Variants in IQSEC3 observed in about 807,000 individuals in gnomAD.
The protein encoded by IQSEC3 is IQ motif and Sec7 domain ArfGEF 3.
In IQSEC3, 50 loss-of-function variants were observed where a neutral mutation model predicts 105.4. That is an observed-to-expected ratio of 0.47 (90% CI 0.38 to 0.60). The LOEUF (loss-of-function observed/expected upper bound fraction) is 0.60. Among genes scored for constraint, IQSEC3 ranks in the 20% least tolerant of loss-of-function variants. IQSEC3 has a pLI of 0.00. For synonymous variants in IQSEC3, 708 were observed against 746.0 expected (o/e 0.95, Z 0.83); for missense variants, 1,415 against 1,630.0 (o/e 0.87, Z 2.27).
chr12:167,273 C>G (rs1938707200), intron 11 of IQSEC3: 1 of 152,192 alleles, frequency 6.6e-6, no homozygotes, highest in African/African-American at 2.4e-5. Context: ...CTAACTGTCC[C>G]AGATGGCTCC....
intron 2 of IQSEC3, 60 bp downstream of exon 2, chr12:99,274 G>C: frequency 6.7e-7 from 1 of 1,489,630 alleles, no homozygotes; most frequent in Non-Finnish European, 9.1e-7. Context: ...TTACAACAAA[G>C]CACGTACCAC....
At chr12:104,548 C>T (rs1409278566) in intron 2 of IQSEC3, among the ~76,000 whole-genome samples, 1 of 145,682 alleles carries the variant, frequency 6.9e-6, no homozygotes, top group East Asian at 2.4e-4. Flanking sequence ...ACGTCCTTCC[C>T]ACGCCCATTT....
At chr12:157,177 AC>A (rs1565442274) in intron 6 of IQSEC3, 30 bp downstream of exon 6, 1 of 1,513,830 alleles carries the variant, frequency 6.6e-7, no homozygotes, top group Admixed American at 2.2e-5. Context: ...CCACTCCCCA[AC>A]AGACCCCAGC....
intron 5 of IQSEC3, among the ~76,000 whole-genome samples, chr12:142,959 T>C (rs1555089750): frequency 6.6e-6 from 1 of 152,240 alleles, no homozygotes; most frequent in Non-Finnish European, 1.5e-5. Context: ...GTGACTCTGC[T>C]TCACCCACAG....
chr12:146,673 GAGAA>G (rs1194794115), intron 5 of IQSEC3, among the ~76,000 whole-genome samples: 5 of 142,350 alleles, frequency 3.5e-5, no homozygotes, highest in Non-Finnish European at 7.7e-5. Context: ...GAAAGAAAGA[GAGAA>G]AGAGAGAGAG....
intron 8 of IQSEC3, among the ~76,000 whole-genome samples, chr12:162,436 A>G (rs974894038): frequency 2.6e-4 from 39 of 152,082 alleles, no homozygotes; most frequent in Admixed American, 9.8e-4. Flanking sequence ...TGGGCTCAAT[A>G]GGCTCCAGGC....
intron 8 of IQSEC3, among the ~76,000 whole-genome samples, 165 bp downstream of exon 8, chr12:162,230 T>C (rs188144716): frequency 1.2e-4 from 18 of 152,198 alleles, no homozygotes; most frequent in Admixed American, 1.2e-3. Context: ...CTTTTTTTTT[T>C]TCTTGCCTGA....
intron 5 of IQSEC3, chr12:141,735 G>T (rs141576405): frequency 6.0e-6 from 1 of 166,892 alleles, no homozygotes; most frequent in Admixed American, 6.4e-5. Flanking sequence ...GAAAAAAGAA[G>T]GGGTTAAACT....
At position 157,522 on chromosome 12, in the gene IQSEC3, C is replaced by T. The variant is rs782680883; in HGVS notation, c.2277-6C>T. 1 of 1,608,612 alleles carries T rather than the reference C, an allele frequency of 6.2e-7. No individual in the cohort carries two copies. Among genetic ancestry groups the T allele is most frequent in the African/African-American group, 1.3e-5 (1 of 75,036 alleles). On this transcript the variant is annotated splice_polypyrimidine_tract_variant and splice_region_variant and intron_variant, in intron 6 of 13. Coordinates refer to ENST00000538872, the MANE Select transcript of IQSEC3 (RefSeq NM_001170738.2). ...AGCGTCCGCTCTGCATCTGACCCCC[C>T]CACAGCCAGCGCTACTGCATGTGCA...
At chr12:131,899 T>C (rs1865613890) in intron 3 of IQSEC3, among the ~76,000 whole-genome samples, 1 of 152,174 alleles carries the variant, frequency 6.6e-6, no homozygotes, top group South Asian at 2.1e-4. Flanking sequence ...TCCAGTGTTA[T>C]TCAGGGAGCA....
chr12:169,062 C>A lies in IQSEC3; in HGVS notation c.3021C>A (p.Cys1007Ter). The change falls in exon 12 of 14, where the codon TGC (cysteine) becomes TGA (stop). Residue 1007 changes from cysteine to a stop codon, truncating the protein, a stop_gained. Transcript: ENST00000538872. LOFTEE classifies it high-confidence loss of function. ...CAAAGACACTCTCCTTCAAGCCCTG[C>A]GGAGCCCAGGGGGACCCACAGTCAA... ...QGTKTLSFKP[C>*]GAQGDPQSKQ... 1 of 1,614,016 alleles carries A rather than the reference C, an allele frequency of 6.2e-7. No individual in the cohort carries two copies.
chr12:163,427 T>C (rs1417657258), intron 8 of IQSEC3, 67 bp from the exon 9 acceptor site: 5 of 1,395,048 alleles, frequency 3.6e-6, no homozygotes, highest in Admixed American at 4.5e-5. Flanking sequence ...TTCTGGAAAA[T>C]GGGCGCGTGG....
chr12:130,169 G>T (rs1555084558), intron 3 of IQSEC3, among the ~76,000 whole-genome samples: 1 of 152,202 alleles, frequency 6.6e-6, no homozygotes, highest in African/African-American at 2.4e-5. Context: ...ATGCTATGAT[G>T]CAAAAGATAC....
At chr12:154,353 C>A (rs897280671) in intron 5 of IQSEC3, among the ~76,000 whole-genome samples, 6 of 152,206 alleles carry the variant, frequency 3.9e-5, no homozygotes, top group Non-Finnish European at 8.8e-5. Flanking sequence ...GTGCCCTGGG[C>A]CTCCCAGCAC....
intron 13 of IQSEC3, chr12:171,596 G>A (rs978964298): frequency 1.3e-5 from 7 of 552,968 alleles, no homozygotes; most frequent in East Asian, 3.0e-5. Flanking sequence ...GGGCTCCCTC[G>A]GAGAATTACC....
At chr12:116,791 G>A (rs566726662) in intron 2 of IQSEC3, among the ~76,000 whole-genome samples, 1 of 152,316 alleles carries the variant, frequency 6.6e-6, no homozygotes, top group African/African-American at 2.4e-5. Flanking sequence ...TGCAATTCTG[G>A]CACTCATGTG....
At chr12:107,889 T>C in intron 2 of IQSEC3, among the ~76,000 whole-genome samples, 1 of 152,258 alleles carries the variant, frequency 6.6e-6, no homozygotes, top group African/African-American at 2.4e-5. Flanking sequence ...TCTCTCCTTG[T>C]GAGTTTGCTT....
At chr12:97,896 G>A (rs1047247801) in intron 1 of IQSEC3, among the ~76,000 whole-genome samples, 2 of 152,218 alleles carry the variant, frequency 1.3e-5, no homozygotes, top group African/African-American at 2.4e-5. Context: ...GACCCTGTGG[G>A]CCCCCAACAC....
chr12:159,016 G>A (rs1866795406), intron 7 of IQSEC3, among the ~76,000 whole-genome samples: 1 of 152,168 alleles, frequency 6.6e-6, no homozygotes, highest in Admixed American at 6.5e-5. Context: ...TAGAATGTAA[G>A]GATTTAGCCC....
Sources: gnomAD v4.1 joint callset for allele counts (sites outside exome capture counted in the v4.1 genomes callset) on GRCh38, gnomAD v4.1.1 for gene constraint, MANE v1.5 for transcripts, NCBI Gene and HGNC (gene_info 2026-07-23, HGNC 2026-07-21) for gene names.